The following ZC3H12B variants were observed in gnomAD, a reference collection of about 807,000 sequenced individuals.
ZC3H12B encodes zinc finger CCCH-type containing 12B, also known as probable ribonuclease ZC3H12B.
A neutral mutation model predicts 43.9 loss-of-function variants in ZC3H12B; 7 were observed. The observed-to-expected ratio is 0.16, with a 90% CI of 0.09 to 0.30. ZC3H12B has a LOEUF of 0.30. Ranked by LOEUF, ZC3H12B falls within the 10% of genes least tolerant of loss-of-function variation. The pLI, the probability that ZC3H12B is intolerant of heterozygous loss-of-function variation, is 1.00. For missense variants in ZC3H12B, 475 were observed against 670.2 expected (o/e 0.71, Z 3.22); for synonymous variants, 222 against 241.7 (o/e 0.92, Z 0.76).
intron 2 of ZC3H12B, among the ~76,000 whole-genome samples, chrX:65,385,954 T>G (rs1256034744): frequency 8.9e-6 from 1 of 112,264 alleles, no homozygotes; most frequent in Non-Finnish European, 1.9e-5. Context: ...CATTTATTGA[T>G]TTGCGTATGT....
At chrX:65,163,194 A>T in the ZC3H12B span, among the ~76,000 whole-genome samples, 2 of 110,912 alleles carry the variant, frequency 1.8e-5, no homozygotes, top group African/African-American at 3.3e-5. Flanking sequence ...GGTGCCTCCC[A>T]GTTAGGTTGC....
chrX:65,459,247 G>C (rs1307588405), intron 3 of ZC3H12B, among the ~76,000 whole-genome samples: 1 of 111,990 alleles, frequency 8.9e-6, no homozygotes, highest in East Asian at 2.8e-4. Flanking sequence ...TCCAGGACCA[G>C]ATGGATTCAC....
the ZC3H12B span, among the ~76,000 whole-genome samples, chrX:65,209,781 G>C: frequency 9.6e-6 from 1 of 103,922 alleles, no homozygotes; most frequent in Non-Finnish European, 1.9e-5. Flanking sequence ...ACAACTATCT[G>C]ATCTTTGACA....
chrX:65,116,763 T>G, the ZC3H12B span, among the ~76,000 whole-genome samples: 1 of 109,872 alleles, frequency 9.1e-6, no homozygotes, highest in African/African-American at 3.3e-5. Context: ...CCCCACCCTG[T>G]GTCCAAGTGT....
At chrX:65,319,414 AAATTG>A in the ZC3H12B span, among the ~76,000 whole-genome samples, 1 of 110,516 alleles carries the variant, frequency 9.0e-6, no homozygotes, top group Non-Finnish European at 1.9e-5. Context: ...AACGAGTTCC[AAATTG>A]AATTGGTAAT....
chrX:65,159,531 G>A, the ZC3H12B span, among the ~76,000 whole-genome samples: 3 of 111,275 alleles, frequency 2.7e-5, no homozygotes, highest in South Asian at 1.1e-3. Context: ...TGAAGCAATT[G>A]TGAATGGGAG....
the ZC3H12B span, among the ~76,000 whole-genome samples, chrX:65,332,124 CT>C: frequency 9.0e-6 from 1 of 110,793 alleles, no homozygotes; most frequent in Admixed American, 9.6e-5. Context: ...TGGAGTTGCT[CT>C]GGTTCGAATA....
the ZC3H12B span, among the ~76,000 whole-genome samples, chrX:65,308,849 C>T: frequency 7.1e-5 from 8 of 112,166 alleles, no homozygotes; most frequent in Admixed American, 1.9e-4. Context: ...CAAAACTGCA[C>T]AGCTACATGG....
At chrX:65,185,196 A>G in the ZC3H12B span, 4 of 111,787 alleles carry the variant, frequency 3.6e-5, no homozygotes, top group East Asian at 8.4e-4. Context: ...ACGGTATACA[A>G]TCTGTTCACC....
chrX:65,346,532 AC>A, the ZC3H12B span, among the ~76,000 whole-genome samples: 6 of 112,171 alleles, frequency 5.3e-5, no homozygotes, highest in Non-Finnish European at 9.4e-5. Context: ...CTAGAAAAAA[AC>A]CCCAAAATTA....
chrX:65,177,924 A>T, the ZC3H12B span, among the ~76,000 whole-genome samples: 1 of 112,126 alleles, frequency 8.9e-6, no homozygotes, highest in East Asian at 2.8e-4. Context: ...ACTAAGTTTT[A>T]TATGGAACCA....
At chrX:65,389,267 G>T (rs981260857) in intron 2 of ZC3H12B, among the ~76,000 whole-genome samples, 3 of 112,281 alleles carry the variant, frequency 2.7e-5, no homozygotes, top group Non-Finnish European at 5.6e-5. Context: ...GCCTTCTTGA[G>T]CTGTGGTGGG....
the ZC3H12B span, among the ~76,000 whole-genome samples, chrX:65,122,257 A>C: frequency 9.0e-6 from 1 of 111,039 alleles, no homozygotes; most frequent in Non-Finnish European, 1.9e-5. Flanking sequence ...AAGAATTTTC[A>C]ACCCAGAATT....
chrX:65,334,507 T>G, the ZC3H12B span, among the ~76,000 whole-genome samples: 1 of 112,380 alleles, frequency 8.9e-6, no homozygotes, highest in Non-Finnish European at 1.9e-5. Flanking sequence ...AAAGATTACT[T>G]AAGTCATGTA....
chrX:65,209,884 G>C, the ZC3H12B span, among the ~76,000 whole-genome samples: 2 of 98,042 alleles, frequency 2.0e-5, no homozygotes, highest in South Asian at 9.4e-4. Flanking sequence ...GCTGAAACTG[G>C]ATCCCTTCCT....
At chrX:65,101,320 A>G in the ZC3H12B span, among the ~76,000 whole-genome samples, 3 of 111,935 alleles carry the variant, frequency 2.7e-5, no homozygotes, top group Non-Finnish European at 5.6e-5. Flanking sequence ...ACATCCTAAC[A>G]TCACATTAAA....
chrX:65,287,258 C>G, the ZC3H12B span, among the ~76,000 whole-genome samples: 2 of 111,612 alleles, frequency 1.8e-5, no homozygotes, highest in African/African-American at 6.5e-5. Context: ...GCACATGGAA[C>G]ATTCTTTAGG....
the ZC3H12B span, among the ~76,000 whole-genome samples, chrX:65,138,270 C>T: frequency 8.9e-6 from 1 of 111,861 alleles, no homozygotes; most frequent in Non-Finnish European, 1.9e-5. Flanking sequence ...TTTCCAACCA[C>T]CATTTTACTC....
At chrX:65,095,768 G>C in the ZC3H12B span, among the ~76,000 whole-genome samples, 1 of 111,343 alleles carries the variant, frequency 9.0e-6, no homozygotes, top group African/African-American at 3.3e-5. Flanking sequence ...CCCAATTCCA[G>C]TGCCTTCTAG....
Sources: gnomAD v4.1 joint callset for allele counts (sites outside exome capture counted in the v4.1 genomes callset) on GRCh38, gnomAD v4.1.1 for gene constraint, MANE v1.5 for transcripts, NCBI Gene and HGNC (gene_info 2026-07-23, HGNC 2026-07-21) for gene names.